The following RUNX2 variants were observed in gnomAD, a reference collection of about 807,000 sequenced individuals.
RUNX2 encodes RUNX family transcription factor 2.
A neutral mutation model predicts 51.7 loss-of-function variants in RUNX2; 10 were observed. That is an observed-to-expected ratio of 0.19 (90% CI 0.12 to 0.33). RUNX2 has a LOEUF of 0.33. RUNX2 is among the 10% of genes least tolerant of loss of function. RUNX2 has a pLI of 1.00. For missense variants in RUNX2, 562 were observed against 691.3 expected (o/e 0.81, Z 2.10); for synonymous variants, 276 against 273.6 (o/e 1.01, Z -0.09).
At chr6:45,379,289 AGAGT>A (rs1797166119) in intron 2 of RUNX2, among the ~76,000 whole-genome samples, 1 of 152,240 alleles carries the variant, frequency 6.6e-6, no homozygotes, top group South Asian at 2.1e-4. Flanking sequence ...GGAAAGTAAC[AGAGT>A]GAGTATGGTG....
At chr6:45,449,363 T>C (rs1799092114) in intron 5 of RUNX2, among the ~76,000 whole-genome samples, 1 of 152,002 alleles carries the variant, frequency 6.6e-6, no homozygotes, top group Non-Finnish European at 1.5e-5. Flanking sequence ...TGCCAAGGAG[T>C]TCCAAATGCT....
intron 2 of RUNX2, among the ~76,000 whole-genome samples, chr6:45,419,457 A>G (rs1450412100): frequency 1.3e-5 from 2 of 152,114 alleles, no homozygotes; most frequent in Non-Finnish European, 2.9e-5. Context: ...AAAAAAAGCC[A>G]TGACTCTATG....
At chr6:45,333,145 T>G (rs1787850406) in intron 2 of RUNX2, among the ~76,000 whole-genome samples, 1 of 151,762 alleles carries the variant, frequency 6.6e-6, no homozygotes, top group Non-Finnish European at 1.5e-5. Flanking sequence ...AAGTCTCACA[T>G]AATGAAATTT....
At chr6:45,481,182 G>T (rs188498440) in intron 5 of RUNX2, among the ~76,000 whole-genome samples, 1 of 152,138 alleles carries the variant, frequency 6.6e-6, no homozygotes, top group African/African-American at 2.4e-5. Flanking sequence ...AGAAAGGATC[G>T]CATGCTAAGG....
At chr6:45,449,555 G>A (rs926533558) in intron 5 of RUNX2, among the ~76,000 whole-genome samples, 1 of 152,182 alleles carries the variant, frequency 6.6e-6, no homozygotes, top group Non-Finnish European at 1.5e-5. Flanking sequence ...TCCTGTTGCC[G>A]TTTGTCAAGT....
intron 7 of RUNX2, among the ~76,000 whole-genome samples, chr6:45,527,731 T>G (rs941113547): frequency 1.3e-5 from 2 of 152,230 alleles, no homozygotes; most frequent in Non-Finnish European, 2.9e-5. Flanking sequence ...CTGAAATGTT[T>G]TGTTTGACTG....
At chr6:45,384,809 C>T (rs1185275466) in intron 2 of RUNX2, among the ~76,000 whole-genome samples, 6 of 142,482 alleles carry the variant, frequency 4.2e-5, no homozygotes, top group Non-Finnish European at 7.5e-5. Flanking sequence ...CTTCAAACTT[C>T]GGGGCTCAAG....
intron 5 of RUNX2, among the ~76,000 whole-genome samples, chr6:45,442,052 A>G (rs1798854990): frequency 1.3e-5 from 2 of 152,322 alleles, no homozygotes; most frequent in African/African-American, 4.8e-5. Context: ...TACAAGATTA[A>G]AAAGTACCCT....
chr6:45,459,458 T>C (rs565112743), intron 5 of RUNX2, among the ~76,000 whole-genome samples: 1 of 152,346 alleles, frequency 6.6e-6, no homozygotes, highest in South Asian at 2.1e-4. Context: ...AAGTTTGGAA[T>C]ATAAGGCACA....
chr6:45,380,787 G>C (rs1275183852), intron 2 of RUNX2, among the ~76,000 whole-genome samples: 2 of 152,154 alleles, frequency 1.3e-5, no homozygotes, highest in Non-Finnish European at 2.9e-5. Context: ...ATGTTGGTCA[G>C]GCTGGTCTCA....
At chr6:45,422,029 GGCCGCCGCGGAGGC>G (rs1798209016) in intron 2 of RUNX2, 1 of 148,300 alleles carries the variant, frequency 6.7e-6, no homozygotes, top group Non-Finnish European at 1.5e-5. Flanking sequence ...GGGGAGCGGC[GGCCGCCGCGGAGGC>G]GGCGGCGCGG....
At position 45,422,610 on chromosome 6, in the gene RUNX2, C is replaced by A. The variant is rs1798233203; in HGVS notation, c.76C>A (p.Arg26Ser). The A allele has an allele frequency of 1.9e-6, 3 of 1,606,218 alleles. No homozygotes were observed. The East Asian group carries it at 6.8e-5, about 36-fold the overall frequency. Residue 26 changes from arginine (R) to serine (S), a missense_variant, in exon 3 of 9, where the codon CGC (arginine) becomes AGC (serine). Arg to Ser is a moderately radical substitution (Grantham distance 110, BLOSUM62 -1). Coordinates refer to ENST00000647337, the MANE Select transcript of RUNX2 (RefSeq NM_001024630.4). ...TCCCGTAGATCCGAGCACCAGCCGG[C>A]GCTTCAGCCCCCCCTCCAGCAGCCT... Reference protein sequence around the residue: ...NFFWDPSTSRRFSPPSSSLQP... With the variant: ...NFFWDPSTSRSFSPPSSSLQP...
intron 2 of RUNX2, among the ~76,000 whole-genome samples, chr6:45,399,355 T>A (rs1797651692): frequency 1.1e-5 from 1 of 89,030 alleles, no homozygotes; most frequent in South Asian, 4.1e-4. Flanking sequence ...TTTCCTTTTT[T>A]TTTTTTTTTT....
chr6:45,527,377 G>A (rs1467673305), intron 7 of RUNX2, among the ~76,000 whole-genome samples: 1 of 152,178 alleles, frequency 6.6e-6, no homozygotes, highest in African/African-American at 2.4e-5. Context: ...AGCTCACTCT[G>A]GCGGTTGGGT....
intron 2 of RUNX2, among the ~76,000 whole-genome samples, chr6:45,338,370 C>T (rs10948227): frequency 1.3e-5 from 2 of 151,776 alleles, no homozygotes; most frequent in Non-Finnish European, 2.9e-5. Context: ...TAGGCAACTT[C>T]TCAAGAAATT....
chr6:45,411,057 G>A (rs1466991546), intron 2 of RUNX2, among the ~76,000 whole-genome samples: 1 of 152,180 alleles, frequency 6.6e-6, no homozygotes, highest in Non-Finnish European at 1.5e-5. Context: ...TCAAAGGGAA[G>A]AGACCAAGTC....
At chr6:45,453,191 C>G (rs1221210691) in intron 5 of RUNX2, among the ~76,000 whole-genome samples, 1 of 151,994 alleles carries the variant, frequency 6.6e-6, no homozygotes, top group Admixed American at 6.6e-5. Flanking sequence ...GAAAAGCCAA[C>G]CTAAAGGGGA....
intron 2 of RUNX2, 126 bp downstream of exon 2, chr6:45,328,910 C>A: frequency 1.0e-6 from 1 of 1,004,466 alleles, no homozygotes; most frequent in Non-Finnish European, 1.5e-6. Context: ...TATCTTGTTG[C>A]ATTAAGAATT....
intron 2 of RUNX2, among the ~76,000 whole-genome samples, chr6:45,332,250 G>A (rs1356692894): frequency 1.3e-5 from 2 of 151,030 alleles, no homozygotes; most frequent in African/African-American, 2.4e-5. Context: ...CCCTCCCCCC[G>A]ATTCAAGAGC....
Sources: gnomAD v4.1 joint callset for allele counts (sites outside exome capture counted in the v4.1 genomes callset) on GRCh38, gnomAD v4.1.1 for gene constraint, MANE v1.5 for transcripts, NCBI Gene and HGNC (gene_info 2026-07-23, HGNC 2026-07-21) for gene names.